The following APPL2 variants were observed in gnomAD, a reference collection of about 807,000 sequenced individuals.
APPL2 encodes adaptor protein, phosphotyrosine interacting with PH domain and leucine zipper 2.
A neutral mutation model predicts 92.7 loss-of-function variants in APPL2; 84 were observed. That is an observed-to-expected ratio of 0.91 (90% confidence interval 0.76 to 1.09). The LOEUF is 1.09. APPL2 is among the 50% of genes least tolerant of loss of function. The pLI, the probability that APPL2 is intolerant of heterozygous loss-of-function variation, is 0.00. For missense variants in APPL2, 736 were observed against 824.5 expected (o/e 0.89, Z 1.31); for synonymous variants, 291 against 291.0 (o/e 1.00, Z 0.00).
chr12:105,234,813 G>A (rs933166986), intron 1 of APPL2, among the ~76,000 whole-genome samples: 1 of 152,008 alleles, frequency 6.6e-6, no homozygotes, highest in Non-Finnish European at 1.5e-5. Context: ...TGAAAAAGTC[G>A]TCCAGAGGAT....
intron 17 of APPL2, among the ~76,000 whole-genome samples, chr12:105,184,267 T>C (rs1886392032): frequency 1.3e-5 from 2 of 152,234 alleles, no homozygotes; most frequent in Admixed American, 1.3e-4. Context: ...CTGTAAATTC[T>C]TCAAACTCAT....
chr12:105,219,007 A>G (rs115203911), intron 2 of APPL2, among the ~76,000 whole-genome samples: 168 of 152,258 alleles, frequency 1.1e-3, no homozygotes, highest in African/African-American at 3.8e-3. Flanking sequence ...CTTGCCTTAC[A>G]TTTCTAAAGC....
At chr12:105,214,335 G>A (rs551733847) in intron 4 of APPL2, among the ~76,000 whole-genome samples, 9 of 152,108 alleles carry the variant, frequency 5.9e-5, no homozygotes, top group Non-Finnish European at 7.3e-5. Context: ...ACAACTAACC[G>A]CGTTTCCTTA....
At chr12:105,186,282 AG>A in intron 17 of APPL2, among the ~76,000 whole-genome samples, 1 of 152,224 alleles carries the variant, frequency 6.6e-6, no homozygotes, top group East Asian at 1.9e-4. Flanking sequence ...ATCTCTTTTG[AG>A]CATCAAGTTG....
At chr12:105,222,014 A>G (rs991382958) in intron 2 of APPL2, among the ~76,000 whole-genome samples, 1 of 152,154 alleles carries the variant, frequency 6.6e-6, no homozygotes, top group Non-Finnish European at 1.5e-5. Context: ...TATACCAACT[A>G]TTTGGCTGGA....
At chr12:105,190,693 T>A (rs1198727223) in intron 14 of APPL2, among the ~76,000 whole-genome samples, 2 of 152,314 alleles carry the variant, frequency 1.3e-5, no homozygotes, top group African/African-American at 2.4e-5. Context: ...AAATTCTTCC[T>A]TATCCACTAG....
chr12:105,176,792 T>C lies in APPL2; in HGVS notation c.1812+84A>G, dbSNP rs538776087. The C allele has an allele frequency of 2.7e-6, 4 of 1,508,358 alleles. No individual in the cohort carries two copies. The South Asian group carries it at 5.1e-5, about 19-fold the overall frequency. 93.4% of individuals were successfully genotyped at this position (1,508,358 alleles called of 1,614,324 possible). A position where few individuals can be genotyped will look rare whatever the true frequency, so the allele number is the denominator to read the frequency against. On this transcript the variant is annotated intron_variant, in intron 19 of 20. Coordinates refer to ENST00000258530, the MANE Select transcript of APPL2 (RefSeq NM_018171.5). ...GACATGCAGAATAATCAACTAAATA[T>C]CCAAGGAAGTAATGCCAGAAAACTC...
Position 105,215,783 on chromosome 12 carries a change from G to A in APPL2, c.285+1286C>T, listed in dbSNP as rs138306348. The stretch of plus-strand genomic sequence containing the variant: ...TGGCCAGGCGCGGTGGCTCATGCCT[G>A]TAATCTCAGCACTTTGGGATGCCGA... On this transcript the variant is annotated intron_variant, in intron 4 of 20. Coordinates refer to ENST00000258530, the MANE Select transcript of APPL2 (RefSeq NM_018171.5). Among the ~76,000 whole-genome samples, 71 of 152,236 alleles carry A rather than the reference G, an allele frequency of 4.7e-4. No homozygotes were observed. The East Asian group carries it at 6.2e-3, about 13-fold the overall frequency.
At chr12:105,214,115 G>A (rs926354455) in intron 4 of APPL2, among the ~76,000 whole-genome samples, 2 of 152,194 alleles carry the variant, frequency 1.3e-5, no homozygotes, top group African/African-American at 4.8e-5. Flanking sequence ...AAACCCGGGA[G>A]GCAGAGGTTG....
At chr12:105,224,664 C>G (rs1890363167) in intron 2 of APPL2, among the ~76,000 whole-genome samples, 1 of 152,180 alleles carries the variant, frequency 6.6e-6, no homozygotes, top group Non-Finnish European at 1.5e-5. Context: ...AGCTGAGTGG[C>G]CAGCCTAGTG....
At chr12:105,194,516 C>T (rs1028322770) in intron 14 of APPL2, among the ~76,000 whole-genome samples, 1 of 151,934 alleles carries the variant, frequency 6.6e-6, no homozygotes, top group Non-Finnish European at 1.5e-5. Context: ...CATAGTGAAA[C>T]CCCATCTCTA....
intron 14 of APPL2, among the ~76,000 whole-genome samples, chr12:105,193,813 C>G (rs1329171300): frequency 6.6e-6 from 1 of 152,166 alleles, no homozygotes; most frequent in South Asian, 2.1e-4. Flanking sequence ...CCCCTTCTTC[C>G]CACAACCTGT....
intron 4 of APPL2, among the ~76,000 whole-genome samples, 200 bp from the exon 5 acceptor site, chr12:105,211,517 T>C (rs748095217): frequency 4.6e-5 from 7 of 152,246 alleles, no homozygotes; most frequent in Non-Finnish European, 1.0e-4. Flanking sequence ...AGGTTCTAAC[T>C]GACCAGGGCA....
In APPL2 at chr12:105,197,801, C is replaced by T. The variant is rs150223880; in HGVS notation, c.1016G>A (p.Arg339His). ...SVMAVDCEDRRYCFQITTPNG... is the reference protein window; with the variant it reads ...SVMAVDCEDRHYCFQITTPNG... ...GGGCGTGGTGATCTGGAAGCAGTAG[C>T]GCCGGTCTTCGCAATCCACGGCCAT... Residue 339 changes from arginine (R) to histidine (H), a missense_variant, in exon 11 of 21, where the codon CGC becomes CAC. Transcript: ENST00000258530. 156 of 1,614,160 alleles carry T rather than the reference C, an allele frequency of 9.7e-5. No homozygotes were observed. In the African/African-American group the frequency reaches 1.2e-3, roughly 12 times the overall value.
chr12:105,228,122 T>C (rs547413705), intron 2 of APPL2, among the ~76,000 whole-genome samples: 1 of 152,244 alleles, frequency 6.6e-6, no homozygotes, highest in African/African-American at 2.4e-5. Context: ...AGTAATAGAG[T>C]GGTGAACCTA....
At chr12:105,205,782 G>A (rs1888648965) in intron 8 of APPL2, among the ~76,000 whole-genome samples, 1 of 152,238 alleles carries the variant, frequency 6.6e-6, no homozygotes, top group Admixed American at 6.5e-5. Flanking sequence ...CCATCTGCCA[G>A]CTGTGATACT....
chr12:105,232,196 T>C (rs750271163), intron 1 of APPL2, among the ~76,000 whole-genome samples: 4 of 152,200 alleles, frequency 2.6e-5, no homozygotes, highest in Non-Finnish European at 5.9e-5. Context: ...TTGAGTAACT[T>C]GCCAAAAGTA....
At chr12:105,215,119 A>G (rs1889570247) in intron 4 of APPL2, among the ~76,000 whole-genome samples, 1 of 152,210 alleles carries the variant, frequency 6.6e-6, no homozygotes, top group Non-Finnish European at 1.5e-5. Flanking sequence ...GCCATTCTAG[A>G]AAATAATCAA....
intron 16 of APPL2, among the ~76,000 whole-genome samples, chr12:105,188,734 C>T (rs1219977605): frequency 6.6e-6 from 1 of 152,204 alleles, no homozygotes; most frequent in African/African-American, 2.4e-5. Context: ...TGCTGAAACT[C>T]TAGGTGACTA....
Sources: allele counts gnomAD v4.1 joint callset (sites outside exome capture counted in the v4.1 genomes callset), GRCh38; gene constraint gnomAD v4.1.1; transcripts MANE v1.5; gene names NCBI Gene and HGNC (gene_info 2026-07-23, HGNC 2026-07-21).